SNTG2: variants seen among roughly 807,000 people sequenced by gnomAD.
The protein encoded by SNTG2 is syntrophin gamma 2.
In SNTG2, 74 loss-of-function variants were observed where a neutral mutation model predicts 70.9. The observed-to-expected ratio is 1.04, with a 90% confidence interval of 0.86 to 1.27. SNTG2 has a LOEUF of 1.27. Among genes scored for constraint, SNTG2 ranks in the 50% most tolerant of loss-of-function variants. SNTG2 has a pLI of 0.00. For synonymous variants in SNTG2, 278 were observed against 273.8 expected (o/e 1.02, Z -0.15); for missense variants, 717 against 690.7 (o/e 1.04, Z -0.43).
Position 1,239,779 on chromosome 2 carries a change from A to C in SNTG2, c.888+3A>C. 1 of 1,613,136 alleles carries C rather than the reference A, an allele frequency of 6.2e-7. No homozygotes were observed. The highest frequency in any genetic ancestry group is 8.5e-7 in the Non-Finnish European group (1 of 1,179,656). ...AATGCTGCTCTCCTTCCGACCAGGT[A>C]GGGTTTGTATTTTCTGCTTCATGAT... is the stretch of plus-strand genomic sequence containing the variant. On this transcript the variant is annotated splice_donor_region_variant and intron_variant, in intron 11 of 16. Transcript: ENST00000308624.
chr2:984,160 C>T (rs1012720833), intron 1 of SNTG2, among the ~76,000 whole-genome samples: 5 of 152,102 alleles, frequency 3.3e-5, no homozygotes, highest in African/African-American at 1.2e-4. Flanking sequence ...TCACACTTTA[C>T]CCTGGGGTTC....
At chr2:1,357,473 A>C (rs9750761) in intron 16 of SNTG2, among the ~76,000 whole-genome samples, 3,844 of 152,230 alleles carry the variant, frequency 0.025, 158 homozygotes, top group African/African-American at 0.088. Flanking sequence ...TGTGCTATTG[A>C]ATTCAGTTGA....
chr2:1,169,701 G>T (rs1670995077), intron 7 of SNTG2, among the ~76,000 whole-genome samples: 1 of 152,150 alleles, frequency 6.6e-6, no homozygotes, highest in Admixed American at 6.5e-5. Context: ...ACTTCAATGA[G>T]CGTTGCTGCC....
chr2:1,057,894 A>C (rs997145207), intron 1 of SNTG2, among the ~76,000 whole-genome samples: 4 of 152,158 alleles, frequency 2.6e-5, no homozygotes, highest in Non-Finnish European at 5.9e-5. Context: ...AAAAAAAATT[A>C]GGTGGCATGG....
chr2:1,272,317 A>G (rs2148191820), intron 14 of SNTG2, among the ~76,000 whole-genome samples: 1 of 151,640 alleles, frequency 6.6e-6, no homozygotes, highest in Middle Eastern at 3.4e-3. Context: ...GATCCCTCAC[A>G]GGTGCAGTTC....
chr2:1,112,932 G>C (rs964691836), intron 4 of SNTG2, among the ~76,000 whole-genome samples: 4 of 151,366 alleles, frequency 2.6e-5, no homozygotes, highest in Non-Finnish European at 4.4e-5. Context: ...TGTATACTAA[G>C]TGAGGTTTAA....
At chr2:1,282,710 C>T (rs768534080) in intron 14 of SNTG2, among the ~76,000 whole-genome samples, 3 of 149,442 alleles carry the variant, frequency 2.0e-5, no homozygotes, top group African/African-American at 4.9e-5. Flanking sequence ...CTGCCTCCCC[C>T]GCACTGTGCA....
chr2:1,259,564 A>G (rs1021531423), intron 13 of SNTG2, 123 bp downstream of exon 13: 9 of 800,574 alleles, frequency 1.1e-5, no homozygotes, highest in Non-Finnish European at 1.8e-5. Context: ...TAGTAAAATA[A>G]TGTGACGATC....
intron 1 of SNTG2, among the ~76,000 whole-genome samples, chr2:1,028,696 C>A (rs955900727): frequency 6.6e-6 from 1 of 151,742 alleles, no homozygotes; most frequent in African/African-American, 2.4e-5. Flanking sequence ...CCAACACATT[C>A]CTGGTCCTCT....
At chr2:1,139,952 A>G (rs575839851) in intron 6 of SNTG2, among the ~76,000 whole-genome samples, 1 of 152,212 alleles carries the variant, frequency 6.6e-6, no homozygotes, top group Admixed American at 6.5e-5. Flanking sequence ...ATATGTTTAC[A>G]TTCTTATGTG....
At chr2:1,015,090 A>T (rs910358598) in intron 1 of SNTG2, among the ~76,000 whole-genome samples, 6 of 152,082 alleles carry the variant, frequency 3.9e-5, no homozygotes, top group African/African-American at 1.4e-4. Context: ...CAGGCGGGAA[A>T]CCTTGGGATG....
At chr2:1,179,339 C>T (rs1397357859) in intron 8 of SNTG2, among the ~76,000 whole-genome samples, 1 of 152,090 alleles carries the variant, frequency 6.6e-6, no homozygotes, top group African/African-American at 2.4e-5. Context: ...CCCAAAATCT[C>T]CTTAAGCTGA....
chr2:1,124,713 T>C (rs1667599648), intron 4 of SNTG2, among the ~76,000 whole-genome samples: 1 of 152,098 alleles, frequency 6.6e-6, no homozygotes, highest in African/African-American at 2.4e-5. Flanking sequence ...ATGACCTCAC[T>C]TATGGGTGGA....
In SNTG2 at chr2:977,951, G is replaced by A. The variant is rs58209045; in HGVS notation, c.72+26883G>A. Among the ~76,000 whole-genome samples, 770 of 152,264 alleles carry A rather than the reference G, an allele frequency of 5.1e-3. 9 individuals are homozygous for A. Among genetic ancestry groups the A allele is most frequent in the African/African-American group, 0.016 (647 of 41,548 alleles). The stretch of plus-strand genomic sequence containing the variant: ...TTCTTGGAAGACCTCATGTAAGATC[G>A]CTGTCATTATCTGTAACATCAGCCT... On this transcript the variant is annotated intron_variant, in intron 1 of 16. Transcript: ENST00000308624.
intron 9 of SNTG2, among the ~76,000 whole-genome samples, chr2:1,211,553 A>T (rs1029337438): frequency 2.0e-4 from 31 of 152,208 alleles, no homozygotes; most frequent in African/African-American, 7.5e-4. Flanking sequence ...GGTTTAATGG[A>T]CTCACAGTTC....
intron 1 of SNTG2, among the ~76,000 whole-genome samples, chr2:1,017,467 CAAAT>C (rs1659935983): frequency 6.6e-6 from 1 of 152,150 alleles, no homozygotes; most frequent in African/African-American, 2.4e-5. Flanking sequence ...AACATGCAAA[CAAAT>C]GCACATGCAT....
At chr2:1,116,190 G>T (rs1406915966) in intron 4 of SNTG2, among the ~76,000 whole-genome samples, 1 of 149,742 alleles carries the variant, frequency 6.7e-6, no homozygotes, top group African/African-American at 2.4e-5. Flanking sequence ...GGTGGTCACG[G>T]GTTTTAGGGC....
intron 6 of SNTG2, among the ~76,000 whole-genome samples, chr2:1,140,960 T>C (rs989571932): frequency 2.0e-5 from 3 of 152,258 alleles, no homozygotes; most frequent in South Asian, 2.1e-4. Flanking sequence ...TACGAACTCA[T>C]GGCAGATCCT....
intron 1 of SNTG2, among the ~76,000 whole-genome samples, chr2:989,471 G>A (rs1661426034): frequency 6.6e-6 from 1 of 152,168 alleles, no homozygotes; most frequent in Non-Finnish European, 1.5e-5. Flanking sequence ...ATGTTCATAT[G>A]ATTTTAGTTT....
Sources: allele counts gnomAD v4.1 joint callset (sites outside exome capture counted in the v4.1 genomes callset), GRCh38; gene constraint gnomAD v4.1.1; transcripts MANE v1.5; gene names NCBI Gene and HGNC (gene_info 2026-07-23, HGNC 2026-07-21).